Variants in RBFOX1 observed in about 807,000 individuals in gnomAD.
The protein encoded by RBFOX1 is RNA binding protein fox-1 homolog 1.
A neutral mutation model predicts 57.7 loss-of-function variants in RBFOX1; 8 were observed. That is an observed-to-expected ratio of 0.14 (90% CI 0.08 to 0.25). RBFOX1 has a LOEUF of 0.25. RBFOX1 is among the 10% of genes least tolerant of loss of function. RBFOX1 has a pLI of 1.00. For synonymous variants in RBFOX1, 326 were observed against 222.4 expected (o/e 1.47, Z -4.15); for missense variants, 611 against 548.5 (o/e 1.11, Z -1.14).
At chr16:6,652,210 G>A (rs2098601887) in intron 2 of RBFOX1, among the ~76,000 whole-genome samples, 1 of 152,166 alleles carries the variant, frequency 6.6e-6, no homozygotes, top group Non-Finnish European at 1.5e-5. Flanking sequence ...CAGCACTTTG[G>A]GAGGGCGAGG....
rs546467957 is a variant in RBFOX1, at chr16:7,534,879, C to T, written c.270+16490C>T. Reference sequence around the variant, plus strand: ...GTGTGTGTGGCTTTAGGAAGCCCTGCGATTTTCCTTCTTTAGCTCGAATGT... The same window carrying T: ...GTGTGTGTGGCTTTAGGAAGCCCTGTGATTTTCCTTCTTTAGCTCGAATGT... On this transcript the variant is annotated intron_variant, in intron 5 of 15. Coordinates refer to ENST00000550418, the MANE Select transcript of RBFOX1 (RefSeq NM_018723.4). Among the ~76,000 whole-genome samples, 113 of 152,260 alleles carry T rather than the reference C, an allele frequency of 7.4e-4. 1 individual carries two copies. The highest frequency in any genetic ancestry group is 1.2e-3 in the Non-Finnish European group (82 of 68,010).
chr16:7,338,467 C>T (rs1425599493), intron 4 of RBFOX1, among the ~76,000 whole-genome samples: 1 of 152,172 alleles, frequency 6.6e-6, no homozygotes, highest in Non-Finnish European at 1.5e-5. Flanking sequence ...GCAATCATAG[C>T]TCACTGTAGC....
chr16:6,558,090 T>C (rs11648100), intron 2 of RBFOX1, among the ~76,000 whole-genome samples: 2,033 of 152,306 alleles, frequency 0.013, 22 homozygotes, highest in South Asian at 0.024. Context: ...CTTAAATTAA[T>C]ATTAAGTTAT....
intron 3 of RBFOX1, among the ~76,000 whole-genome samples, chr16:6,701,892 A>G (rs1603443847): frequency 6.6e-6 from 1 of 152,260 alleles, no homozygotes; most frequent in East Asian, 1.9e-4. Flanking sequence ...AATGCGATCT[A>G]AACACTGAGT....
At chr16:5,304,449 C>T (rs17137773) in intron 1 of RBFOX1, among the ~76,000 whole-genome samples, 2,870 of 152,290 alleles carry the variant, frequency 0.019, 78 homozygotes, top group African/African-American at 0.065. Flanking sequence ...CTGCGTTCTT[C>T]TGACCTGTGC....
chr16:6,795,142 G>C (rs760241667), intron 3 of RBFOX1, among the ~76,000 whole-genome samples: 2 of 152,146 alleles, frequency 1.3e-5, no homozygotes, highest in Non-Finnish European at 2.9e-5. Context: ...GCCAAGTTCT[G>C]TTGATTCATA....
intron 5 of RBFOX1, among the ~76,000 whole-genome samples, chr16:7,563,624 C>T (rs866185822): frequency 2.6e-5 from 4 of 152,230 alleles, no homozygotes; most frequent in African/African-American, 7.2e-5. Flanking sequence ...CACACCACCA[C>T]ACTTGGCTAA....
At chr16:6,031,117 T>C (rs1484523782) in intron 1 of RBFOX1, among the ~76,000 whole-genome samples, 1 of 152,172 alleles carries the variant, frequency 6.6e-6, no homozygotes, top group Non-Finnish European at 1.5e-5. Context: ...GGTAGGAACA[T>C]CAGGGAAATG....
intron 4 of RBFOX1, among the ~76,000 whole-genome samples, chr16:7,235,877 C>A (rs1004597678): frequency 6.6e-6 from 1 of 152,166 alleles, no homozygotes; most frequent in African/African-American, 2.4e-5. Context: ...CAGTGTGGAT[C>A]CATATAAATA....
chr16:7,134,262 G>C (rs148432840), intron 4 of RBFOX1, among the ~76,000 whole-genome samples: 23 of 152,272 alleles, frequency 1.5e-4, no homozygotes, highest in African/African-American at 5.1e-4. Context: ...AATTTGTTGT[G>C]AGGATGTTCT....
intron 4 of RBFOX1, among the ~76,000 whole-genome samples, chr16:5,950,950 G>A (rs753603134): frequency 6.6e-6 from 1 of 152,072 alleles, no homozygotes; most frequent in East Asian, 1.9e-4. Flanking sequence ...GTTGTACAGT[G>A]GTGGTGACAC....
rs761205127 is a variant in RBFOX1, at chr16:7,518,352, C to T, written c.233C>T (p.Ala78Val). The T allele has an allele frequency of 1.2e-6, 2 of 1,613,202 alleles. No individual in the cohort carries two copies. The highest frequency in any genetic ancestry group is 1.7e-5 in the Admixed American group (1 of 59,934). Residue 78 changes from alanine (A) to valine (V), a missense_variant, in exon 5 of 16, where the codon GCG becomes GTG. Ala to Val is a moderately conservative substitution (Grantham distance 64). This residue lies in a region of RBFOX1 where 245 missense variants were observed against 159.1 expected (regional missense o/e 1.54). Transcript: ENST00000550418. The part of the protein sequence containing the change: ...PAQTHSEQSP[A>V]DTSAQTVSGT... ...CAGACGCACTCCGAGCAGAGCCCGG[C>T]GGACACGAGCGCTCAGACCGTCTCT...
intron 1 of RBFOX1, chr16:5,240,237 G>A: frequency 1.5e-6 from 1 of 681,458 alleles, no homozygotes; most frequent in Non-Finnish European, 2.6e-6. Flanking sequence ...ACTCCGGCGG[G>A]CGCGGAGTGA....
intron 1 of RBFOX1, among the ~76,000 whole-genome samples, chr16:6,192,052 A>C: frequency 6.6e-6 from 1 of 152,284 alleles, no homozygotes; most frequent in South Asian, 2.1e-4. Context: ...TCTAGGCATA[A>C]TTTTCAGGAC....
At chr16:5,696,597 T>C (rs1485783786) in intron 3 of RBFOX1, among the ~76,000 whole-genome samples, 1 of 152,234 alleles carries the variant, frequency 6.6e-6, no homozygotes, top group Non-Finnish European at 1.5e-5. Context: ...AAGTCTTTAC[T>C]ATGCATAGTC....
In RBFOX1 at chr16:5,749,842, G is replaced by A. The variant is rs550531865; in HGVS notation, c.319-117461G>A. ...TCCGTTAGTTCAGAGAAGTTTGATCGTCTGAAGCCTTCTTCTCTCAACTCG... is the reference window on the plus strand; with the variant it reads ...TCCGTTAGTTCAGAGAAGTTTGATCATCTGAAGCCTTCTTCTCTCAACTCG... On this transcript the variant is annotated intron_variant, in intron 3 of 19. Transcript: ENST00000641259. Among the ~76,000 whole-genome samples the A allele has an allele frequency of 1.1e-4, 16 of 152,124 alleles. 1 individual carries two copies. In the East Asian group the frequency reaches 1.4e-3, roughly 13 times the overall value.
chr16:6,137,977 G>A (rs888630306), intron 1 of RBFOX1, among the ~76,000 whole-genome samples: 1 of 152,138 alleles, frequency 6.6e-6, no homozygotes, highest in Non-Finnish European at 1.5e-5. Flanking sequence ...GTTCAGTTAT[G>A]TTAAGTACCT....
chr16:6,739,075 C>G (rs1229657518), intron 3 of RBFOX1, among the ~76,000 whole-genome samples: 1 of 151,370 alleles, frequency 6.6e-6, no homozygotes, highest in African/African-American at 2.4e-5. Context: ...CTACTTCAGA[C>G]AAAAATAGGG....
At chr16:6,124,429 C>G (rs1171796521) in intron 1 of RBFOX1, among the ~76,000 whole-genome samples, 1 of 152,138 alleles carries the variant, frequency 6.6e-6, no homozygotes, top group African/African-American at 2.4e-5. Flanking sequence ...AAGATGACCC[C>G]TAGGGATTGA....
Sources: gnomAD v4.1 joint callset for allele counts (sites outside exome capture counted in the v4.1 genomes callset) on GRCh38, gnomAD v4.1.1 for gene constraint, gnomAD v4.1.1 regional missense constraint, MANE v1.5 for transcripts, NCBI Gene and HGNC (gene_info 2026-07-23, HGNC 2026-07-21) for gene names.